Variants in POR observed in about 807,000 individuals in gnomAD.
POR encodes cytochrome p450 oxidoreductase.
In POR, 56 loss-of-function variants were observed where a neutral mutation model predicts 84.0. The observed-to-expected ratio is 0.67, with a 90% CI of 0.54 to 0.83. The LOEUF (loss-of-function observed/expected upper bound fraction) is 0.83, where lower values mean the gene tolerates loss of function less well. Ranked by LOEUF, POR falls within the 40% of genes least tolerant of loss-of-function variation. The pLI is 0.00. For missense variants in POR, 938 were observed against 944.3 expected, an observed-to-expected ratio of 0.99 and a Z score of 0.09; for synonymous variants, 414 against 400.5, an observed-to-expected ratio of 1.03 and a Z score of -0.40.
rs1789466409 is a variant in POR at position 75,986,364 on chromosome 7, G to A, written c.1926G>A (p.Val642=). 2 of 1,612,474 alleles carry A rather than the reference G, an allele frequency of 1.2e-6. No individual in the cohort carries two copies. The highest frequency in any genetic ancestry group is 2.7e-5 in the African/African-American group (2 of 74,916). The change falls in exon 16 of 16, where the codon GTG becomes GTA. Residue 642 remains valine, a synonymous_variant. Transcript: ENST00000461988. ...ATGCACGGAACATGGCCAGGGATGT[G>A]CAGAACACCTTCTACGACATCGTGG...
At chr7:75,949,368 C>G (rs1475833804) in intron 1 of POR, among the ~76,000 whole-genome samples, 2 of 152,066 alleles carry the variant, frequency 1.3e-5, no homozygotes, top group African/African-American at 4.8e-5. Context: ...GTTGGCCAGG[C>G]TGGTCTTGAA....
intron 1 of POR, among the ~76,000 whole-genome samples, chr7:75,951,084 A>G (rs1787399222): frequency 1.0e-5 from 1 of 98,582 alleles, no homozygotes; most frequent in African/African-American, 4.0e-5. Context: ...CCCGAAAAAA[A>G]AAAAGTCATA....
At chr7:75,978,624 A>G (rs1554557173) in intron 3 of POR, among the ~76,000 whole-genome samples, 2 of 152,142 alleles carry the variant, frequency 1.3e-5, no homozygotes, top group Non-Finnish European at 2.9e-5. Context: ...CCCAGGTCCA[A>G]GCGATTCTCC....
chr7:75,917,800 A>G (rs62475265), intron 1 of POR, among the ~76,000 whole-genome samples: 6,060 of 152,056 alleles, frequency 0.04, 169 homozygotes, highest in Middle Eastern at 0.082. Flanking sequence ...AGTACCCACC[A>G]CCTGGCCAAA....
At chr7:75,957,762 T>C (rs558408456) in intron 2 of POR, among the ~76,000 whole-genome samples, 1 of 152,228 alleles carries the variant, frequency 6.6e-6, no homozygotes, top group African/African-American at 2.4e-5. Context: ...TCTAACCTTA[T>C]GTGTGTGGAG....
intron 4 of POR, 153 bp downstream of exon 4, chr7:75,979,732 T>TC: frequency 7.5e-6 from 8 of 1,064,868 alleles, no homozygotes; most frequent in Non-Finnish European, 1.1e-5. Flanking sequence ...GTCATTGCCA[T>TC]CCCTGCCCGG....
chr7:75,935,202 AAGG>A (rs556408932), intron 1 of POR, among the ~76,000 whole-genome samples: 9 of 152,158 alleles, frequency 5.9e-5, no homozygotes, highest in Non-Finnish European at 1.3e-4. Context: ...ATGGAGTCAA[AAGG>A]AGATTATTTG....
chr7:75,981,536 AC>A lies in POR; in HGVS notation c.663del (p.Trp222GlyfsTer35), dbSNP rs1554557941. On this transcript the variant is annotated frameshift_variant, in exon 7 of 16. Coordinates refer to ENST00000461988, the MANE Select transcript of POR (RefSeq NM_000941.3). LOFTEE classifies it high-confidence loss of function. Reference sequence around the variant, plus strand: ...GCCCAGCTTGGAGGAGGACTTCATCACCTGGCGAGAGCAGTTCTGGCCGGCC... The same window carrying A: ...GCCCAGCTTGGAGGAGGACTTCATCACTGGCGAGAGCAGTTCTGGCCGGCC... 1.2e-6 allele frequency: 2 copies of A among 1,612,594 alleles called. No homozygotes were observed. Among genetic ancestry groups the A allele is most frequent in the South Asian group, 2.2e-5 (2 of 90,864 alleles).
At chr7:75,925,842 G>T (rs1444339890) in intron 1 of POR, among the ~76,000 whole-genome samples, 1 of 152,082 alleles carries the variant, frequency 6.6e-6, no homozygotes, top group Non-Finnish European at 1.5e-5. Flanking sequence ...AGTTCTTTGG[G>T]AGGTGTGAGC....
At chr7:75,985,557 G>A (rs782293590) in intron 12 of POR, 22 bp from the exon 13 acceptor site, 1 of 1,508,474 alleles carries the variant, frequency 6.6e-7, no homozygotes, top group East Asian at 2.4e-5. Flanking sequence ...TGGCGGTGGA[G>A]CTCACACGGC....
intron 1 of POR, chr7:75,922,777 A>G (rs782458629): frequency 2.2e-6 from 1 of 454,554 alleles, no homozygotes; most frequent in Non-Finnish European, 4.0e-6. Context: ...GAGCAAAGAA[A>G]AATCCCTTTG....
At chr7:75,922,933 C>T (rs880002165) in intron 1 of POR, 17 of 669,826 alleles carry the variant, frequency 2.5e-5, no homozygotes, top group South Asian at 1.1e-4. Context: ...TGATTCCTGG[C>T]GGCAGAAACA....
chr7:75,978,291 T>C lies in POR; in HGVS notation c.238-1160T>C, dbSNP rs1788789951. 2.6e-5 allele frequency among the ~76,000 whole-genome samples: 4 copies of C among 152,282 alleles called. No individual in the cohort carries two copies. In the South Asian group the frequency reaches 8.3e-4, roughly 32 times the overall value. Reference sequence around the variant, plus strand: ...GGAGTTCAAGAATTCAACTGCAGACTGAAAATATTTGGAGAAAAAATGGAT... The same window carrying C: ...GGAGTTCAAGAATTCAACTGCAGACCGAAAATATTTGGAGAAAAAATGGAT... On this transcript the variant is annotated intron_variant, in intron 3 of 15. Transcript: ENST00000461988.
intron 1 of POR, among the ~76,000 whole-genome samples, chr7:75,935,015 G>C (rs565087487): frequency 6.6e-6 from 1 of 152,124 alleles, no homozygotes; most frequent in African/African-American, 2.4e-5. Context: ...TGTGGGAAGG[G>C]GGCCACTGTC....
chr7:75,980,505 C>T lies in POR; in HGVS notation c.516+17C>T. 20 of 1,612,846 alleles carry T rather than the reference C, an allele frequency of 1.2e-5. No individual in the cohort carries two copies. Among genetic ancestry groups the T allele is most frequent in the Non-Finnish European group, 1.7e-5 (20 of 1,179,858 alleles). ...AAGTTCGCGGTGAGTCACCCAGAGA[C>T]TGCTATGGGCTCCCGGTGGCCTGCG... On this transcript the variant is annotated intron_variant, in intron 5 of 15. Coordinates refer to ENST00000461988, the MANE Select transcript of POR (RefSeq NM_000941.3).
intron 2 of POR, among the ~76,000 whole-genome samples, chr7:75,962,658 G>A (rs1335249552): frequency 6.6e-6 from 1 of 152,134 alleles, no homozygotes; most frequent in African/African-American, 2.4e-5. Flanking sequence ...ACAGATGTAT[G>A]TGATTCTGTA....
chr7:75,951,447 C>T (rs1787417817), intron 1 of POR, among the ~76,000 whole-genome samples: 1 of 152,088 alleles, frequency 6.6e-6, no homozygotes, highest in Non-Finnish European at 1.5e-5. Context: ...GAACTCAAGC[C>T]ATTGGAAAAG....
At chr7:75,935,173 C>T (rs1807604752) in intron 1 of POR, among the ~76,000 whole-genome samples, 2 of 152,172 alleles carry the variant, frequency 1.3e-5, no homozygotes, top group Non-Finnish European at 1.5e-5. Flanking sequence ...TTCGCACCAG[C>T]ACGCCCTGGA....
At chr7:75,981,482 C>T (rs1554557902) in intron 6 of POR, 35 bp from the exon 7 acceptor site, 2 of 1,584,382 alleles carry the variant, frequency 1.3e-6, no homozygotes, top group African/African-American at 1.3e-5. Flanking sequence ...ATGGGCCTCC[C>T]CTGAGCCGCT....
Sources: gnomAD v4.1 joint callset for allele counts (sites outside exome capture counted in the v4.1 genomes callset) on GRCh38, gnomAD v4.1.1 for gene constraint, MANE v1.5 for transcripts, NCBI Gene and HGNC (gene_info 2026-07-23, HGNC 2026-07-21) for gene names.